The following TMPRSS15 variants were observed in gnomAD, a reference collection of about 807,000 sequenced individuals.
The protein encoded by TMPRSS15 is enteropeptidase.
TMPRSS15 carries 128 observed loss-of-function variants against 125.3 expected under a neutral mutation model. The observed-to-expected ratio is 1.02, with a 90% CI of 0.89 to 1.18. TMPRSS15 has a LOEUF of 1.18. TMPRSS15 is among the 50% of genes most tolerant of loss of function. The probability of loss-of-function intolerance (pLI) is 0.00; values close to 1 mark genes in which losing one functional copy is unlikely to be tolerated. For missense variants in TMPRSS15, 1,283 were observed against 1,212.7 expected, an observed-to-expected ratio of 1.06 and a Z score of -0.86; for synonymous variants, 446 against 423.2, an observed-to-expected ratio of 1.05 and a Z score of -0.66.
At chr21:18,277,615 A>T (rs183427838) in intron 23 of TMPRSS15, among the ~76,000 whole-genome samples, 2 of 152,362 alleles carry the variant, frequency 1.3e-5, no homozygotes, top group Non-Finnish European at 2.9e-5. Context: ...GAACTTTTGT[A>T]GGAGTTATCA....
intron 1 of TMPRSS15, among the ~76,000 whole-genome samples, chr21:18,444,886 A>G (rs375914757): frequency 3.9e-5 from 6 of 152,014 alleles, no homozygotes; most frequent in South Asian, 2.1e-4. Flanking sequence ...GATAATCACT[A>G]TTCTACTCTC....
chr21:18,372,789 C>T (rs1246979168), intron 5 of TMPRSS15, among the ~76,000 whole-genome samples: 1 of 152,214 alleles, frequency 6.6e-6, no homozygotes, highest in Non-Finnish European at 1.5e-5. Context: ...AAACACACCC[C>T]TGCGGGGTTT....
intron 8 of TMPRSS15, among the ~76,000 whole-genome samples, chr21:18,358,654 G>T (rs1330595476): frequency 6.6e-6 from 1 of 151,586 alleles, no homozygotes; most frequent in Non-Finnish European, 1.5e-5. Flanking sequence ...AGAGAGTTTG[G>T]GCTTTGATTT....
chr21:18,379,642 G>T (rs1174609508), intron 4 of TMPRSS15, among the ~76,000 whole-genome samples: 1 of 152,024 alleles, frequency 6.6e-6, no homozygotes, highest in Non-Finnish European at 1.5e-5. Context: ...AGACGTAAAT[G>T]TTCCAGGTTA....
At chr21:18,457,329 G>C (rs978314426) in intron 1 of TMPRSS15, among the ~76,000 whole-genome samples, 4 of 152,020 alleles carry the variant, frequency 2.6e-5, no homozygotes, top group Non-Finnish European at 5.9e-5. Context: ...AATTAGGCCA[G>C]AAAAAATATT....
At chr21:18,442,879 C>A (rs2250007) in intron 1 of TMPRSS15, among the ~76,000 whole-genome samples, 4 of 152,092 alleles carry the variant, frequency 2.6e-5, no homozygotes, top group Admixed American at 6.5e-5. Context: ...AATTCTATTT[C>A]GCCTGAAAAA....
At chr21:18,443,030 A>C (rs1489124083) in intron 1 of TMPRSS15, among the ~76,000 whole-genome samples, 1 of 152,254 alleles carries the variant, frequency 6.6e-6, no homozygotes, top group East Asian at 1.9e-4. Flanking sequence ...AAATATACTG[A>C]CCCATCTTCC....
At chr21:18,443,156 G>A (rs763996793) in intron 1 of TMPRSS15, among the ~76,000 whole-genome samples, 8 of 152,120 alleles carry the variant, frequency 5.3e-5, no homozygotes, top group African/African-American at 9.7e-5. Flanking sequence ...GAGGAAAAAC[G>A]GCAGGGAAGC....
At chr21:18,313,208 C>T (rs1317904739) in intron 17 of TMPRSS15, 131 bp from the exon 18 acceptor site, 4 of 731,618 alleles carry the variant, frequency 5.5e-6, no homozygotes, top group Non-Finnish European at 9.7e-6. Context: ...TTGCACAGCA[C>T]TGTGACTATA....
intron 18 of TMPRSS15, among the ~76,000 whole-genome samples, chr21:18,303,167 T>G (rs926903065): frequency 6.6e-6 from 1 of 152,192 alleles, no homozygotes; most frequent in African/African-American, 2.4e-5. Flanking sequence ...TGTTAGTAAT[T>G]ACACCGACCT....
At chr21:18,291,274 T>A (rs1384766399) in intron 21 of TMPRSS15, among the ~76,000 whole-genome samples, 1 of 152,188 alleles carries the variant, frequency 6.6e-6, no homozygotes, top group African/African-American at 2.4e-5. Context: ...TCTCCTTTGG[T>A]TCAAAGTCAA....
intron 4 of TMPRSS15, among the ~76,000 whole-genome samples, chr21:18,380,310 A>G (rs1384712187): frequency 6.6e-6 from 1 of 152,074 alleles, no homozygotes; most frequent in African/African-American, 2.4e-5. Flanking sequence ...AGTTTAAAAT[A>G]TGAAAGGAAC....
chr21:18,270,368 AG>A (rs1332516213), intron 24 of TMPRSS15, among the ~76,000 whole-genome samples: 3 of 152,152 alleles, frequency 2.0e-5, no homozygotes, highest in African/African-American at 7.2e-5. Flanking sequence ...TTTTAGTAAA[AG>A]TTTCTCCACT....
chr21:18,270,121 C>G lies in TMPRSS15; in HGVS notation c.2908G>C (p.Asp970His). The change falls in exon 25 of 25, where the codon GAT (aspartate) becomes CAT (histidine). Residue 970 changes from aspartate (D) to histidine (H), a missense_variant. Coordinates refer to ENST00000284885, the MANE Select transcript of TMPRSS15 (RefSeq NM_002772.3). Reference sequence around the variant, plus strand: ...TGGCACATTAATGGTCCTCCTGAATCCCCCTAAAGAGTGAATTGCAAAACA... The same window carrying G: ...TGGCACATTAATGGTCCTCCTGAATGCCCCTAAAGAGTGAATTGCAAAACA... ...EEGGIDSCQG[D>H]SGGPLMCQEN... 1.2e-6 allele frequency: 2 copies of G among 1,613,756 alleles called. No homozygotes were observed. Among genetic ancestry groups the G allele is most frequent in the Non-Finnish European group, 1.7e-6 (2 of 1,179,818 alleles).
At chr21:18,469,500 T>C (rs1978735076) in intron 1 of TMPRSS15, among the ~76,000 whole-genome samples, 2 of 152,156 alleles carry the variant, frequency 1.3e-5, no homozygotes, top group Admixed American at 6.6e-5. Context: ...ATTGGGACAA[T>C]TCTAGAAGCT....
chr21:18,307,195 A>C (rs1009704543), intron 18 of TMPRSS15, among the ~76,000 whole-genome samples: 7 of 152,232 alleles, frequency 4.6e-5, no homozygotes, highest in Non-Finnish European at 8.8e-5. Context: ...TAATAAGCAC[A>C]GGCTCAAAGA....
intron 21 of TMPRSS15, among the ~76,000 whole-genome samples, chr21:18,292,206 T>G (rs1398343538): frequency 6.6e-6 from 1 of 152,258 alleles, no homozygotes; most frequent in Admixed American, 6.5e-5. Context: ...GTTACTCTCA[T>G]GTAGACACAG....
chr21:18,374,096 G>T (rs2075817280), intron 5 of TMPRSS15, among the ~76,000 whole-genome samples: 1 of 152,150 alleles, frequency 6.6e-6, no homozygotes, highest in South Asian at 2.1e-4. Context: ...TACAGAAATG[G>T]TCATATTTCA....
intron 1 of TMPRSS15, among the ~76,000 whole-genome samples, chr21:18,411,823 G>A (rs1430741269): frequency 6.6e-6 from 1 of 152,124 alleles, no homozygotes; most frequent in Non-Finnish European, 1.5e-5. Flanking sequence ...TGAATGAAAG[G>A]CATTATACCA....
Sources: gnomAD v4.1 joint callset for allele counts (sites outside exome capture counted in the v4.1 genomes callset) on GRCh38, gnomAD v4.1.1 for gene constraint, MANE v1.5 for transcripts, NCBI Gene and HGNC (gene_info 2026-07-23, HGNC 2026-07-21) for gene names.